The following EHBP1 variants were observed in gnomAD, a reference collection of about 807,000 sequenced individuals.
EHBP1 encodes the protein EH domain binding protein 1, also known as EH domain-binding protein 1.
In EHBP1, 55 loss-of-function variants were observed where a neutral mutation model predicts 144.0. That is an observed-to-expected ratio of 0.38 (90% CI 0.31 to 0.48). EHBP1 has a LOEUF of 0.48. Among genes scored for constraint, EHBP1 ranks in the 20% least tolerant of loss-of-function variants. The probability of loss-of-function intolerance (pLI) is 0.98; values close to 1 mark genes in which losing one functional copy is unlikely to be tolerated. For missense variants in EHBP1, 1,200 were observed against 1,364.2 expected, an observed-to-expected ratio of 0.88 and a Z score of 1.90; for synonymous variants, 469 against 472.7, an observed-to-expected ratio of 0.99 and a Z score of 0.10.
At chr2:62,858,536 C>A (rs1226510536) in intron 7 of EHBP1, 7 of 1,500,276 alleles carry the variant, frequency 4.7e-6, no homozygotes, top group South Asian at 3.4e-5. Context: ...TCCTTTCTTT[C>A]TGCTTCTGAT....
At chr2:62,837,845 C>T (rs2047417886) in intron 7 of EHBP1, among the ~76,000 whole-genome samples, 1 of 151,210 alleles carries the variant, frequency 6.6e-6, no homozygotes, top group Non-Finnish European at 1.5e-5. Context: ...TAAAGCAAGT[C>T]CTGAGTGACC....
intron 8 of EHBP1, among the ~76,000 whole-genome samples, chr2:62,862,837 T>A (rs2049690960): frequency 6.6e-6 from 1 of 152,160 alleles, no homozygotes; most frequent in Non-Finnish European, 1.5e-5. Flanking sequence ...TCCTACAATT[T>A]GAGAAAATAT....
Position 62,948,347 on chromosome 2 carries a change from G to A in EHBP1, c.1501G>A (p.Val501Ile), listed in dbSNP as rs2057184526. Residue 501 changes from valine to isoleucine, a missense_variant, in exon 13 of 23, where the codon GTT (valine) becomes ATT (isoleucine). Val to Ile is a conservative substitution (Grantham distance 29). This residue lies in a region of EHBP1 where 94 missense variants were observed against 143.0 expected (regional missense o/e 0.66). Transcript: ENST00000431489. ...VLLAIPDKLT[V>I]MTYLYQIRAH... is the part of the protein sequence containing the mutation. ...ATTAGCAATTCCTGATAAACTGACT[G>A]TTATGACTTATCTCTATCAAATAAG... 6.2e-7 allele frequency: 1 copy of A among 1,613,332 alleles called. No homozygotes were observed.
intron 5 of EHBP1, among the ~76,000 whole-genome samples, chr2:62,820,838 G>C (rs7562734): frequency 0.31 from 43,118 of 139,178 alleles, 6,945 homozygotes; most frequent in Middle Eastern, 0.51. Flanking sequence ...AAGGGAAAGA[G>C]TAATAAAAAA....
At position 62,771,388 on chromosome 2, in the gene EHBP1, A is replaced by G. The variant is rs1210324503; in HGVS notation, c.308A>G (p.Glu103Gly). The G allele has an allele frequency of 6.3e-7, 1 of 1,593,602 alleles. No homozygotes were observed. The highest frequency in any genetic ancestry group is 2.3e-5 in the East Asian group (1 of 43,736). Reference protein sequence around the residue: ...FEDKEWTFVIENESPSGRRKA... With the variant: ...FEDKEWTFVIGNESPSGRRKA... Reference sequence around the variant, plus strand: ...GACAAAGAGTGGACATTTGTCATAGAAAATGTAAGCTAATGGCAAATTCCT... The same window carrying G: ...GACAAAGAGTGGACATTTGTCATAGGAAATGTAAGCTAATGGCAAATTCCT... Residue 103 changes from glutamate to glycine, a missense_variant, in exon 5 of 23, where the codon GAA becomes GGA. Around this residue, in one of 6 missense-constraint regions of EHBP1, gnomAD observed 137 missense variants for 190.1 expected, o/e 0.72. Transcript: ENST00000431489.
chr2:62,944,852 T>C (rs1558956902), intron 12 of EHBP1, among the ~76,000 whole-genome samples: 1 of 152,232 alleles, frequency 6.6e-6, no homozygotes, highest in African/African-American at 2.4e-5. Context: ...AGGCACTGAA[T>C]GCTTTTTTCT....
At chr2:63,020,039 A>G (rs2060661163) in intron 19 of EHBP1, among the ~76,000 whole-genome samples, 1 of 151,454 alleles carries the variant, frequency 6.6e-6, no homozygotes, top group Non-Finnish European at 1.5e-5. Flanking sequence ...AAGTACGAAA[A>G]TTAAGGCCGG....
intron 19 of EHBP1, among the ~76,000 whole-genome samples, chr2:63,000,616 G>C (rs1030291553): frequency 2.6e-5 from 4 of 152,114 alleles, no homozygotes; most frequent in Non-Finnish European, 5.9e-5. Context: ...ATAATCTCTT[G>C]AACCTGGGTA....
intron 3 of EHBP1, 54 bp downstream of exon 3, chr2:62,747,506 T>G: frequency 1.5e-6 from 2 of 1,331,368 alleles, no homozygotes; most frequent in African/African-American, 1.5e-5. Flanking sequence ...ATTAGCAAAC[T>G]GCTCTGGTTC....
intron 10 of EHBP1, among the ~76,000 whole-genome samples, chr2:62,877,255 A>C (rs187110070): frequency 6.6e-6 from 1 of 152,220 alleles, no homozygotes; most frequent in Admixed American, 6.5e-5. Context: ...CAGAAAACAC[A>C]AAGAAGGGCA....
intron 7 of EHBP1, chr2:62,858,270 A>G (rs1006820266): frequency 5.5e-6 from 3 of 549,688 alleles, no homozygotes; most frequent in African/African-American, 3.7e-5. Context: ...GGGTTCATCA[A>G]AATAACATCC....
intron 10 of EHBP1, among the ~76,000 whole-genome samples, chr2:62,901,731 C>T (rs556811187): frequency 2.6e-5 from 4 of 151,720 alleles, no homozygotes; most frequent in East Asian, 1.9e-4. Flanking sequence ...TTCCAAAGGC[C>T]GAGGTAGACG....
intron 5 of EHBP1, among the ~76,000 whole-genome samples, chr2:62,782,632 G>A (rs2042520593): frequency 6.6e-6 from 1 of 152,174 alleles, no homozygotes; most frequent in Admixed American, 6.5e-5. Flanking sequence ...GCCAAGCAAA[G>A]GGGGTAAGCC....
At chr2:62,826,302 T>C (rs1433252768) in intron 6 of EHBP1, 34 bp downstream of exon 6, 1 of 1,551,076 alleles carries the variant, frequency 6.4e-7, no homozygotes, top group Admixed American at 1.9e-5. Flanking sequence ...CTTCCTTACA[T>C]TGTGTTTCAG....
At chr2:62,840,312 T>TCCTTACACC (rs1288605715) in intron 7 of EHBP1, among the ~76,000 whole-genome samples, 1 of 140,024 alleles carries the variant, frequency 7.1e-6, no homozygotes, top group African/African-American at 2.6e-5. Flanking sequence ...CTGGATCCCT[T>TCCTTACACC]CCTTACACCT....
At chr2:62,837,152 C>G (rs930375059) in intron 7 of EHBP1, among the ~76,000 whole-genome samples, 4 of 146,790 alleles carry the variant, frequency 2.7e-5, no homozygotes, top group Non-Finnish European at 4.5e-5. Context: ...CGGCAGAAAC[C>G]CTACAAGCCA....
At chr2:62,962,725 A>G (rs1227980934) in intron 14 of EHBP1, among the ~76,000 whole-genome samples, 1 of 152,248 alleles carries the variant, frequency 6.6e-6, no homozygotes, top group Non-Finnish European at 1.5e-5. Flanking sequence ...CAGTCTAATT[A>G]GTCTAATCAT....
At chr2:62,828,031 G>C (rs1431431186) in intron 6 of EHBP1, among the ~76,000 whole-genome samples, 1 of 152,180 alleles carries the variant, frequency 6.6e-6, no homozygotes, top group Non-Finnish European at 1.5e-5. Flanking sequence ...AGAGCAATTT[G>C]TAAGACATTC....
At chr2:62,940,573 G>A (rs1264147135) in intron 10 of EHBP1, among the ~76,000 whole-genome samples, 1 of 152,100 alleles carries the variant, frequency 6.6e-6, no homozygotes, top group Non-Finnish European at 1.5e-5. Flanking sequence ...ATGTACTGAA[G>A]GTTTCAAAAT....
Sources: allele counts gnomAD v4.1 joint callset (sites outside exome capture counted in the v4.1 genomes callset), GRCh38; gene constraint gnomAD v4.1.1; regional missense constraint gnomAD v4.1.1; transcripts MANE v1.5; gene names NCBI Gene and HGNC (gene_info 2026-07-23, HGNC 2026-07-21).